The following TRIM44 variants were observed in gnomAD, a reference collection of about 807,000 sequenced individuals.
TRIM44 encodes the protein tripartite motif containing 44, also known as tripartite motif-containing protein 44.
In TRIM44, 13 loss-of-function variants were observed where a neutral mutation model predicts 37.4. That is an observed-to-expected ratio of 0.35 (90% CI 0.23 to 0.55). The LOEUF (loss-of-function observed/expected upper bound fraction) is 0.55. Among genes scored for constraint, TRIM44 ranks in the 20% least tolerant of loss-of-function variants. The pLI is 0.89. For missense variants in TRIM44, 426 were observed against 437.2 expected, an observed-to-expected ratio of 0.97 and a Z score of 0.23; for synonymous variants, 175 against 157.2, an observed-to-expected ratio of 1.11 and a Z score of -0.85.
chr11:35,673,952 T>C (rs934379897), intron 1 of TRIM44, among the ~76,000 whole-genome samples: 1 of 151,826 alleles, frequency 6.6e-6, no homozygotes, highest in African/African-American at 2.4e-5. Context: ...GCCTCGTATG[T>C]GTTCTGCTTG....
At position 35,817,082 on chromosome 11, in the gene TRIM44, A is replaced by G. The variant is rs189394418; in HGVS notation, c.*10697A>G. ...TTAGTCGTTTGCTCCTATATTACTAATGATGACAAAGTCGCCTGACAGAGT... is the reference window on the plus strand; with the variant it reads ...TTAGTCGTTTGCTCCTATATTACTAGTGATGACAAAGTCGCCTGACAGAGT... On this transcript the variant is annotated 3_prime_UTR_variant, in exon 5 of 5. Transcript: ENST00000299413. 2.6e-5 allele frequency: 4 copies of G among 152,332 alleles called. No homozygotes were observed. Among genetic ancestry groups the G allele is most frequent in the Non-Finnish European group, 4.4e-5 (3 of 68,034 alleles). 9.4% of individuals were successfully genotyped at this position (152,332 alleles called of 1,614,324 possible).
Position 35,663,918 on chromosome 11 carries a change from T to C in TRIM44, c.669+138T>C, listed in dbSNP as rs1851305724. On this transcript the variant is annotated intron_variant, in intron 1 of 4. Transcript: ENST00000299413. ...TTTCCAACTTTTTGGGAGCAGTTCT[T>C]ATTCACCGTTTTTGGTTGAACTCTT... The C allele has an allele frequency of 3.2e-5, 32 of 1,004,268 alleles. No homozygotes were observed. The South Asian group carries it at 4.8e-4, about 15-fold the overall frequency. 62.2% of individuals were successfully genotyped at this position (1,004,268 alleles called of 1,614,324 possible).
chr11:35,790,719 G>GA (rs764610074), intron 4 of TRIM44, among the ~76,000 whole-genome samples: 87 of 152,294 alleles, frequency 5.7e-4, no homozygotes, highest in Middle Eastern at 6.8e-3. Context: ...CTCCTCCCAG[G>GA]AGGGGCAGAT....
intron 1 of TRIM44, among the ~76,000 whole-genome samples, chr11:35,682,781 AG>A (rs1293711824): frequency 6.6e-6 from 1 of 152,206 alleles, no homozygotes; most frequent in East Asian, 1.9e-4. Context: ...AAGAAGGCTA[AG>A]GGTTCCCTTA....
chr11:35,709,423 T>A (rs986698081), intron 2 of TRIM44, among the ~76,000 whole-genome samples: 1 of 151,964 alleles, frequency 6.6e-6, no homozygotes, highest in Non-Finnish European at 1.5e-5. Flanking sequence ...AACAAAGGGA[T>A]GAAACAAAAA....
At chr11:35,730,895 G>C (rs1295962241) in intron 3 of TRIM44, among the ~76,000 whole-genome samples, 1 of 148,116 alleles carries the variant, frequency 6.8e-6, no homozygotes, top group Non-Finnish European at 1.5e-5. Context: ...TGTCGCCCAG[G>C]CTGGAGTGCA....
chr11:35,663,626 A>G lies in TRIM44; in HGVS notation c.515A>G (p.Glu172Gly), dbSNP rs371240207. 4.3e-6 allele frequency: 7 copies of G among 1,614,160 alleles called. No individual in the cohort carries two copies. The highest frequency in any genetic ancestry group is 5.9e-6 in the Non-Finnish European group (7 of 1,180,030). Residue 172 changes from glutamate (E) to glycine (G), a missense_variant, in exon 1 of 5, where the codon GAG (glutamate) becomes GGG (glycine). Around this residue, in one of 2 missense-constraint regions of TRIM44, gnomAD observed 331 missense variants for 303.0 expected, o/e 1.09. Coordinates refer to ENST00000299413, the MANE Select transcript of TRIM44 (RefSeq NM_017583.6). ...GACCCAGAAATAGAAATGGAAGCAG[A>G]GAGAGTGGCCAAGAGGAAGTGTCCG... ...EFDPEIEMEA[E>G]RVAKRKCPDH... is the part of the protein sequence containing the mutation.
At chr11:35,667,588 G>T (rs554744301) in intron 1 of TRIM44, among the ~76,000 whole-genome samples, 12 of 152,110 alleles carry the variant, frequency 7.9e-5, no homozygotes, top group Non-Finnish European at 1.8e-4. Flanking sequence ...GCCCAAGTTG[G>T]TCTTGAACTC....
chr11:35,756,398 A>G (rs1166764786), intron 4 of TRIM44, among the ~76,000 whole-genome samples: 2 of 152,088 alleles, frequency 1.3e-5, no homozygotes, highest in Admixed American at 6.5e-5. Context: ...GCTTAAGGAG[A>G]TTTTGGGCTG....
At chr11:35,709,001 A>G (rs1359501692) in intron 2 of TRIM44, among the ~76,000 whole-genome samples, 1 of 148,010 alleles carries the variant, frequency 6.8e-6, no homozygotes, top group African/African-American at 2.4e-5. Flanking sequence ...CCAAAAAAAA[A>G]GAACTTTACT....
intron 4 of TRIM44, among the ~76,000 whole-genome samples, chr11:35,772,211 T>G (rs1419348787): frequency 6.6e-6 from 1 of 152,162 alleles, no homozygotes; most frequent in Non-Finnish European, 1.5e-5. Context: ...AGAAGATGTA[T>G]TGAAATGCCT....
intron 4 of TRIM44, among the ~76,000 whole-genome samples, chr11:35,788,631 A>G (rs777092738): frequency 1.3e-5 from 2 of 152,202 alleles, no homozygotes; most frequent in Non-Finnish European, 2.9e-5. Flanking sequence ...AATAAGAACT[A>G]AGTGATCGTC....
At chr11:35,670,572 C>T (rs755576737) in intron 1 of TRIM44, among the ~76,000 whole-genome samples, 1 of 152,146 alleles carries the variant, frequency 6.6e-6, no homozygotes, top group Non-Finnish European at 1.5e-5. Flanking sequence ...GGAAATCACT[C>T]CATAGATTTG....
At chr11:35,758,608 G>A (rs1214630857) in intron 4 of TRIM44, among the ~76,000 whole-genome samples, 12 of 152,086 alleles carry the variant, frequency 7.9e-5, no homozygotes, top group Non-Finnish European at 1.2e-4. Context: ...TGGTCTTTAC[G>A]ATTTGGCATG....
At chr11:35,697,594 C>G (rs1220723285) in intron 2 of TRIM44, among the ~76,000 whole-genome samples, 2 of 151,616 alleles carry the variant, frequency 1.3e-5, no homozygotes, top group African/African-American at 4.9e-5. Context: ...CTAATGCTAT[C>G]CCTCCCCGCT....
At chr11:35,757,016 C>A (rs1172048801) in intron 4 of TRIM44, among the ~76,000 whole-genome samples, 1 of 152,140 alleles carries the variant, frequency 6.6e-6, no homozygotes, top group Non-Finnish European at 1.5e-5. Context: ...TGATGCTGGC[C>A]TCATAAAATG....
intron 2 of TRIM44, among the ~76,000 whole-genome samples, chr11:35,718,457 T>G (rs1369513390): frequency 6.6e-6 from 1 of 152,146 alleles, no homozygotes; most frequent in Non-Finnish European, 1.5e-5. Context: ...ACAGAAAAAT[T>G]GAATGGAAAA....
At position 35,756,633 on chromosome 11, in the gene TRIM44, G is replaced by A. The variant is rs1325811959; in HGVS notation, c.1007+21188G>A. Among the ~76,000 whole-genome samples, 6 of 152,262 alleles carry A rather than the reference G, an allele frequency of 3.9e-5. No homozygotes were observed. In the East Asian group the frequency reaches 1.2e-3, roughly 29 times the overall value. On this transcript the variant is annotated intron_variant, in intron 4 of 4. Transcript: ENST00000299413. ...TTTTTGCCCATTCAGTATGATATTG[G>A]CTGTGGGTTTGTCATAGATAGCTCT... is the stretch of plus-strand genomic sequence containing the variant.
At chr11:35,665,176 A>C (rs1851317425) in intron 1 of TRIM44, among the ~76,000 whole-genome samples, 1 of 151,498 alleles carries the variant, frequency 6.6e-6, no homozygotes, top group Non-Finnish European at 1.5e-5. Context: ...GCTGTTACAA[A>C]CAATGTCAGT....
Sources: allele counts gnomAD v4.1 joint callset (sites outside exome capture counted in the v4.1 genomes callset), GRCh38; gene constraint gnomAD v4.1.1; regional missense constraint gnomAD v4.1.1; transcripts MANE v1.5; gene names NCBI Gene and HGNC (gene_info 2026-07-23, HGNC 2026-07-21).